OSBPL11: variants seen among roughly 807,000 people sequenced by gnomAD.
The protein encoded by OSBPL11 is oxysterol binding protein like 11.
A neutral mutation model predicts 84.4 loss-of-function variants in OSBPL11; 33 were observed. The ratio of observed to expected loss-of-function variants is 0.39; its 90% CI spans 0.30 to 0.52. The LOEUF (loss-of-function observed/expected upper bound fraction) is 0.52. Ranked by LOEUF, OSBPL11 falls within the 20% of genes least tolerant of loss-of-function variation. The probability of loss-of-function intolerance (pLI) is 0.72; values close to 1 mark genes in which losing one functional copy is unlikely to be tolerated. For synonymous variants in OSBPL11, 276 were observed against 310.2 expected (o/e 0.89, Z 1.16); for missense variants, 736 against 901.1 (o/e 0.82, Z 2.35).
chr3:125,570,540 T>A (rs1200455539), intron 5 of OSBPL11, among the ~76,000 whole-genome samples: 1 of 152,036 alleles, frequency 6.6e-6, no homozygotes, highest in Non-Finnish European at 1.5e-5. Flanking sequence ...TTTGGCTGTG[T>A]CCCCACCCAA....
In OSBPL11 at chr3:125,538,624, AG is replaced by A; in HGVS notation, c.1850del (p.Ala617ValfsTer3). 6.2e-7 allele frequency: 1 copy of A among 1,607,042 alleles called. No individual in the cohort carries two copies. Among genetic ancestry groups the A allele is most frequent in the Non-Finnish European group, 8.5e-7 (1 of 1,177,224 alleles). On this transcript the variant is annotated frameshift_variant, in exon 11 of 13. Coordinates refer to ENST00000296220, the MANE Select transcript of OSBPL11 (RefSeq NM_022776.5). LOFTEE classifies it high-confidence loss of function. The part of the protein sequence containing the change: ...FYGGKLHRVT[A>X]EVKHNITNTV... Reference sequence around the variant, plus strand: ...TGTTGGTGATGTTGTGCTTTACTTCAGCTGTAACCCTAGAAGCAGACAGAAA... The same window carrying A: ...TGTTGGTGATGTTGTGCTTTACTTCACTGTAACCCTAGAAGCAGACAGAAA...
intron 11 of OSBPL11, among the ~76,000 whole-genome samples, chr3:125,533,698 A>C (rs1204480369): frequency 6.6e-6 from 1 of 152,262 alleles, no homozygotes; most frequent in Non-Finnish European, 1.5e-5. Flanking sequence ...CAAAAACAGA[A>C]ACATCAAGAC....
chr3:125,580,575 TTCAGC>T (rs1936409710), intron 2 of OSBPL11, among the ~76,000 whole-genome samples: 1 of 150,198 alleles, frequency 6.7e-6, no homozygotes, highest in Non-Finnish European at 1.5e-5. Flanking sequence ...TAATAAACCC[TTCAGC>T]TGAGGGAGAG....
chr3:125,563,243 G>T (rs1936104172), intron 7 of OSBPL11, among the ~76,000 whole-genome samples: 1 of 152,100 alleles, frequency 6.6e-6, no homozygotes, highest in African/African-American at 2.4e-5. Flanking sequence ...TAAACCCTAA[G>T]ATTATGTGCT....
In OSBPL11 at chr3:125,583,242, C is replaced by T. The variant is rs368417986; in HGVS notation, c.165-264G>A. Among the ~76,000 whole-genome samples, 19 of 151,896 alleles carry T rather than the reference C, an allele frequency of 1.3e-4. 1 individual carries two copies. The South Asian group carries it at 2.3e-3, about 18-fold the overall frequency. ...ATATTCCAAATGTAAAATCATTATACAAATATAAAATTACATAAACATAAA... is the reference window on the plus strand; with the variant it reads ...ATATTCCAAATGTAAAATCATTATATAAATATAAAATTACATAAACATAAA... On this transcript the variant is annotated intron_variant, in intron 1 of 12. Coordinates refer to ENST00000296220, the MANE Select transcript of OSBPL11 (RefSeq NM_022776.5).
At chr3:125,535,640 GA>G (rs1174316291) in intron 11 of OSBPL11, among the ~76,000 whole-genome samples, 1 of 150,922 alleles carries the variant, frequency 6.6e-6, no homozygotes, top group East Asian at 2.0e-4. Flanking sequence ...ATGCCTGGCT[GA>G]TTTTTGTATT....
chr3:125,580,121 A>G (rs970277430), intron 2 of OSBPL11, 81 bp from the exon 3 acceptor site: 3 of 1,179,000 alleles, frequency 2.5e-6, no homozygotes, highest in Non-Finnish European at 3.6e-6. Context: ...AATCACTTAC[A>G]CATTTCAGGG....
intron 8 of OSBPL11, among the ~76,000 whole-genome samples, chr3:125,554,123 C>A (rs1006054159): frequency 2.0e-5 from 3 of 152,162 alleles, no homozygotes; most frequent in African/African-American, 7.2e-5. Context: ...ACTCAAACCC[C>A]CAACTCCACA....
intron 7 of OSBPL11, 111 bp downstream of exon 7, chr3:125,563,587 G>T: frequency 9.9e-7 from 1 of 1,007,020 alleles, no homozygotes; most frequent in Non-Finnish European, 1.5e-6. Context: ...CTTCAAGAGT[G>T]TTGCTCAGGT....
chr3:125,578,712 A>G (rs1489050183), intron 4 of OSBPL11, among the ~76,000 whole-genome samples: 2 of 152,084 alleles, frequency 1.3e-5, no homozygotes, highest in African/African-American at 4.8e-5. Flanking sequence ...CAGAGGTTGC[A>G]GTGAGACAAG....
rs1269293473 is a variant in OSBPL11 at position 125,547,141 on chromosome 3, T to G, written c.1841+265A>C. ...TTAAAGGCAGAATTGGGCCAGAGACTGCATGTTCACTTGTTAGAAATTCTA... is the reference window on the plus strand; with the variant it reads ...TTAAAGGCAGAATTGGGCCAGAGACGGCATGTTCACTTGTTAGAAATTCTA... On this transcript the variant is annotated intron_variant, in intron 10 of 12. Coordinates refer to ENST00000296220, the MANE Select transcript of OSBPL11 (RefSeq NM_022776.5). Among the ~76,000 whole-genome samples, 6 of 152,236 alleles carry G rather than the reference T, an allele frequency of 3.9e-5. No homozygotes were observed. In the East Asian group the frequency reaches 1.2e-3, roughly 29 times the overall value.
In OSBPL11 at chr3:125,530,080, AG is replaced by A. The variant is rs1209685316; in HGVS notation, c.*434del. 3 of 160,096 alleles carry A rather than the reference AG, an allele frequency of 1.9e-5. No homozygotes were observed. The highest frequency in any genetic ancestry group is 1.8e-4 in the Admixed American group (3 of 16,714). 9.9% of individuals were successfully genotyped at this position (160,096 alleles called of 1,614,324 possible). A position where few individuals can be genotyped will look rare whatever the true frequency, so the allele number is the denominator to read the frequency against. On this transcript the variant is annotated 3_prime_UTR_variant, in exon 13 of 13. Transcript: ENST00000296220. ...CTCCTCCTCTTGGTTGGTTTACAAGAGTAGTGAATACTTCAGTTATGGACAG... is the reference window on the plus strand; with the variant it reads ...CTCCTCCTCTTGGTTGGTTTACAAGATAGTGAATACTTCAGTTATGGACAG...
intron 8 of OSBPL11, among the ~76,000 whole-genome samples, chr3:125,553,228 A>G (rs941124814): frequency 2.0e-5 from 3 of 152,232 alleles, no homozygotes; most frequent in African/African-American, 4.8e-5. Flanking sequence ...TAGACTGGAT[A>G]AAAGTATCAC....
chr3:125,576,137 A>T, intron 5 of OSBPL11, 52 bp downstream of exon 5: 1 of 1,519,780 alleles, frequency 6.6e-7, no homozygotes, highest in Non-Finnish European at 8.9e-7. Flanking sequence ...TGACAAAACC[A>T]AGCAGGTAAA....
chr3:125,553,591 C>A (rs1191830532), intron 8 of OSBPL11, among the ~76,000 whole-genome samples: 1 of 152,160 alleles, frequency 6.6e-6, no homozygotes, highest in Non-Finnish European at 1.5e-5. Flanking sequence ...GATGTTCTTA[C>A]CCATTTAGCC....
intron 1 of OSBPL11, among the ~76,000 whole-genome samples, chr3:125,593,485 T>A (rs1156662680): frequency 1.3e-5 from 2 of 151,864 alleles, no homozygotes; most frequent in African/African-American, 2.4e-5. Context: ...CCAGGTGTGG[T>A]GGCGCACGCC....
chr3:125,530,673 C>A, intron 12 of OSBPL11, 93 bp from the exon 13 acceptor site: 1 of 1,021,924 alleles, frequency 9.8e-7, no homozygotes, highest in South Asian at 1.4e-5. Context: ...AAATGGAATT[C>A]TATTTTCACA....
At chr3:125,584,019 A>C (rs1311070961) in intron 1 of OSBPL11, among the ~76,000 whole-genome samples, 1 of 152,110 alleles carries the variant, frequency 6.6e-6, no homozygotes, top group African/African-American at 2.4e-5. Flanking sequence ...AAAATTCCCT[A>C]AAGAGCTCCT....
At chr3:125,579,172 G>C (rs1024302109) in intron 3 of OSBPL11, 133 bp from the exon 4 acceptor site, 4 of 522,532 alleles carry the variant, frequency 7.7e-6, no homozygotes, top group African/African-American at 2.0e-5. Context: ...TCCCTGACTG[G>C]AGGGAGGCAG....
Sources: gnomAD v4.1 joint callset for allele counts (sites outside exome capture counted in the v4.1 genomes callset) on GRCh38, gnomAD v4.1.1 for gene constraint, MANE v1.5 for transcripts, NCBI Gene and HGNC (gene_info 2026-07-23, HGNC 2026-07-21) for gene names.